The following SLC36A1 variants were observed in gnomAD, a reference collection of about 807,000 sequenced individuals.
SLC36A1 encodes the protein proton-coupled amino acid transporter 1.
A neutral mutation model predicts 47.5 loss-of-function variants in SLC36A1; 30 were observed. That is an observed-to-expected ratio of 0.63 (90% CI 0.47 to 0.86). The LOEUF is 0.86. Ranked by LOEUF, SLC36A1 falls within the 40% of genes least tolerant of loss-of-function variation. The pLI, the probability that SLC36A1 is intolerant of heterozygous loss-of-function variation, is 0.00. For synonymous variants in SLC36A1, 255 were observed against 249.7 expected, an observed-to-expected ratio of 1.02 and a Z score of -0.20; for missense variants, 517 against 606.0, an observed-to-expected ratio of 0.85 and a Z score of 1.54.
the SLC36A1 span, among the ~76,000 whole-genome samples, chr5:151,394,677 T>C: frequency 6.6e-6 from 1 of 152,242 alleles, no homozygotes; most frequent in African/African-American, 2.4e-5. Context: ...CTCCAGACCC[T>C]GTTTGCCTGG....
chr5:151,452,933 G>T (rs1286107984), intron 1 of SLC36A1, among the ~76,000 whole-genome samples: 1 of 151,252 alleles, frequency 6.6e-6, no homozygotes, highest in Non-Finnish European at 1.5e-5. Context: ...TGGGCATGGT[G>T]ACTCATGCCT....
At chr5:151,507,259 G>T in the SLC36A1 span, 1 of 1,614,170 alleles carries the variant, frequency 6.2e-7, no homozygotes, top group South Asian at 1.1e-5. Flanking sequence ...ACCACTGGCC[G>T]TTGCTTAGAA....
the SLC36A1 span, chr5:151,531,816 G>A: frequency 1.2e-6 from 2 of 1,613,716 alleles, no homozygotes; most frequent in Non-Finnish European, 1.7e-6. The surrounding 1 kb of genome is among the most constrained non-coding windows in gnomAD (Gnocchi z 5.7). Context: ...GCGGTATTGG[G>A]GTGCCCAGGT....
the SLC36A1 span, among the ~76,000 whole-genome samples, chr5:151,548,013 T>G: frequency 6.6e-6 from 1 of 152,242 alleles, no homozygotes; most frequent in South Asian, 2.1e-4. Flanking sequence ...TCTCCATCAA[T>G]GAGGTTGTCA....
chr5:151,446,696 A>T (rs1229257049), upstream of SLC36A1, among the ~76,000 whole-genome samples: 1 of 152,232 alleles, frequency 6.6e-6, no homozygotes, highest in Non-Finnish European at 1.5e-5. Flanking sequence ...CATATGGTCT[A>T]TTCTAGAGAA....
the SLC36A1 span, among the ~76,000 whole-genome samples, chr5:151,514,843 A>G: frequency 6.6e-6 from 1 of 152,082 alleles, no homozygotes; most frequent in Non-Finnish European, 1.5e-5. Flanking sequence ...TCACCTCCTC[A>G]AGGGTCTACT....
At chr5:151,397,360 A>C in the SLC36A1 span, among the ~76,000 whole-genome samples, 1 of 152,236 alleles carries the variant, frequency 6.6e-6, no homozygotes, top group Non-Finnish European at 1.5e-5. Context: ...GTGCCTGAGA[A>C]CGTGAGTGCT....
chr5:151,423,090 T>C, the SLC36A1 span, among the ~76,000 whole-genome samples: 3 of 152,174 alleles, frequency 2.0e-5, no homozygotes, highest in Non-Finnish European at 4.4e-5. Flanking sequence ...GAGCTACCAC[T>C]ACAAACCTAT....
chr5:151,388,479 CA>C, the SLC36A1 span, among the ~76,000 whole-genome samples: 1 of 95,778 alleles, frequency 1.0e-5, no homozygotes, highest in Admixed American at 1.1e-4. Context: ...CCAGCCTGGG[CA>C]ACAAGAGTAA....
At chr5:151,468,160 G>A (rs1221877004) in intron 7 of SLC36A1, among the ~76,000 whole-genome samples, 1 of 147,802 alleles carries the variant, frequency 6.8e-6, no homozygotes, top group African/African-American at 2.5e-5. Context: ...GCTGAGGCAG[G>A]AGAATCGCTT....
At chr5:151,422,475 G>A in the SLC36A1 span, among the ~76,000 whole-genome samples, 1 of 152,204 alleles carries the variant, frequency 6.6e-6, no homozygotes, top group African/African-American at 2.4e-5. Context: ...CAGCACTTTG[G>A]GAAGTGGAGG....
At chr5:151,543,702 G>T in the SLC36A1 span, 19 of 1,614,034 alleles carry the variant, frequency 1.2e-5, no homozygotes, top group Non-Finnish European at 1.5e-5. Context: ...GGCTGTACTT[G>T]TTGGCATTTG....
the SLC36A1 span, chr5:151,521,911 TG>T: frequency 6.2e-7 from 1 of 1,613,830 alleles, no homozygotes; most frequent in Non-Finnish European, 8.5e-7. Context: ...CAGCGTGTCC[TG>T]GGGGTCTCGG....
the SLC36A1 span, chr5:151,545,790 A>G: frequency 6.2e-7 from 1 of 1,614,168 alleles, no homozygotes; most frequent in South Asian, 1.1e-5. Flanking sequence ...TGTTGTTTTT[A>G]TCCATGATCA....
chr5:151,450,743 A>G (rs1206708284), intron 1 of SLC36A1, among the ~76,000 whole-genome samples: 1 of 152,154 alleles, frequency 6.6e-6, no homozygotes, highest in African/African-American at 2.4e-5. Flanking sequence ...TCAGTTCTTT[A>G]AATGCTTGAT....
At chr5:151,508,356 C>T in the SLC36A1 span, among the ~76,000 whole-genome samples, 2 of 152,198 alleles carry the variant, frequency 1.3e-5, no homozygotes, top group Non-Finnish European at 1.5e-5. Flanking sequence ...CAACACATCT[C>T]GTGAACGAAT....
the SLC36A1 span, among the ~76,000 whole-genome samples, chr5:151,548,976 C>T: frequency 3.0e-4 from 46 of 152,246 alleles, no homozygotes; most frequent in Non-Finnish European, 5.4e-4. Context: ...AAGATACATG[C>T]ATGAAGTTAT....
chr5:151,429,198 A>G, the SLC36A1 span, among the ~76,000 whole-genome samples: 9 of 151,538 alleles, frequency 5.9e-5, no homozygotes, highest in Non-Finnish European at 7.4e-5. Context: ...TTTTATTTTT[A>G]TTTTTTAAAA....
the SLC36A1 span, among the ~76,000 whole-genome samples, chr5:151,412,018 A>G: frequency 6.2e-5 from 9 of 145,212 alleles, 2 homozygotes; most frequent in Non-Finnish European, 1.4e-4. Context: ...ACGTTAGTCT[A>G]TGAATGCTTA....
Sources: gnomAD v4.1 joint callset for allele counts (sites outside exome capture counted in the v4.1 genomes callset) on GRCh38, gnomAD v4.1.1 for gene constraint, Gnocchi (gnomAD v3.1) non-coding constraint, MANE v1.5 for transcripts, NCBI Gene and HGNC (gene_info 2026-07-23, HGNC 2026-07-21) for gene names.